The following DPP10 variants were observed in gnomAD, a reference collection of about 807,000 sequenced individuals.
DPP10 encodes dipeptidyl peptidase like 10.
In DPP10, 33 loss-of-function variants were observed where a neutral mutation model predicts 120.9. The observed-to-expected ratio is 0.27, with a 90% confidence interval of 0.21 to 0.37. The LOEUF is 0.37. Ranked by LOEUF, DPP10 falls within the 10% of genes least tolerant of loss-of-function variation. The pLI is 1.00. For synonymous variants in DPP10, 337 were observed against 326.1 expected, an observed-to-expected ratio of 1.03 and a Z score of -0.36; for missense variants, 816 against 942.8, an observed-to-expected ratio of 0.87 and a Z score of 1.76.
chr2:114,798,210 G>A (rs1683881339), intron 1 of DPP10, among the ~76,000 whole-genome samples: 1 of 152,052 alleles, frequency 6.6e-6, no homozygotes. Context: ...GGGGTGGGGT[G>A]GGGAGCATTC....
chr2:115,562,175 G>A (rs936474633), intron 5 of DPP10, among the ~76,000 whole-genome samples: 2 of 152,182 alleles, frequency 1.3e-5, no homozygotes, highest in African/African-American at 2.4e-5. Context: ...TCATCGGGCT[G>A]TACAAATCCT....
At chr2:115,055,379 G>C (rs116815136) in intron 1 of DPP10, among the ~76,000 whole-genome samples, 4,588 of 152,026 alleles carry the variant, frequency 0.03, 90 homozygotes, top group Non-Finnish European at 0.049. Context: ...ATGTTTTGTT[G>C]TTTTGAATCT....
intron 1 of DPP10, among the ~76,000 whole-genome samples, chr2:115,105,125 G>A (rs1303250792): frequency 2.0e-5 from 3 of 152,056 alleles, no homozygotes; most frequent in South Asian, 2.1e-4. Context: ...ATACTTTACC[G>A]TTTGTCTTTA....
intron 3 of DPP10, among the ~76,000 whole-genome samples, chr2:115,418,839 A>G (rs889538194): frequency 1.3e-5 from 2 of 152,164 alleles, no homozygotes; most frequent in African/African-American, 4.8e-5. Flanking sequence ...ATTAAAAAAT[A>G]AAGAATAAAA....
At chr2:115,683,308 TA>T (rs1263259385) in intron 5 of DPP10, among the ~76,000 whole-genome samples, 2 of 151,852 alleles carry the variant, frequency 1.3e-5, no homozygotes, top group Non-Finnish European at 2.9e-5. Flanking sequence ...GTGGAGACAG[TA>T]AAAAAATTTA....
intron 5 of DPP10, among the ~76,000 whole-genome samples, chr2:115,659,818 G>A (rs2088756312): frequency 1.3e-5 from 2 of 152,088 alleles, no homozygotes; most frequent in African/African-American, 4.8e-5. Flanking sequence ...TAAGCCCCAG[G>A]CAAGTTTCTT....
At chr2:115,118,791 G>GTGTGTA (rs1373091742) in intron 1 of DPP10, among the ~76,000 whole-genome samples, 2 of 133,516 alleles carry the variant, frequency 1.5e-5, no homozygotes, top group African/African-American at 5.8e-5. Flanking sequence ...GTGTGTGTGT[G>GTGTGTA]TTTAGTAGAG....
At chr2:115,275,440 G>A (rs964781854) in intron 1 of DPP10, among the ~76,000 whole-genome samples, 1 of 151,998 alleles carries the variant, frequency 6.6e-6, no homozygotes, top group Non-Finnish European at 1.5e-5. Flanking sequence ...TCATATGCAC[G>A]TTGCAAAAAT....
chr2:115,188,495 A>G (rs1169248029), intron 1 of DPP10, among the ~76,000 whole-genome samples: 3 of 152,228 alleles, frequency 2.0e-5, no homozygotes, highest in Admixed American at 2.0e-4. Context: ...AGATATTTTA[A>G]GAAATCAGGC....
rs1365270187 is a variant in DPP10 at position 114,834,787 on chromosome 2, G to A, written c.60+391949G>A. Reference sequence around the variant, plus strand: ...ACGCACCTATGTATATATAAGCCATGTCTACACACCTATGTATATATAAGC... The same window carrying A: ...ACGCACCTATGTATATATAAGCCATATCTACACACCTATGTATATATAAGC... On this transcript the variant is annotated intron_variant, in intron 1 of 25. Coordinates refer to ENST00000410059, the MANE Select transcript of DPP10 (RefSeq NM_020868.6). Among the ~76,000 whole-genome samples, 34 of 123,938 alleles carry A rather than the reference G, an allele frequency of 2.7e-4. 2 individuals carry two copies. Among genetic ancestry groups the A allele is most frequent in the African/African-American group, 5.3e-4 (17 of 31,844 alleles). The allele number at this position is 123,938 out of a possible 152,430, so 81.3% of individuals were successfully genotyped here. A position where few individuals can be genotyped will look rare whatever the true frequency, so the allele number is the denominator to read the frequency against.
At chr2:115,183,613 G>A (rs1412246878) in intron 1 of DPP10, among the ~76,000 whole-genome samples, 2 of 152,168 alleles carry the variant, frequency 1.3e-5, no homozygotes, top group Non-Finnish European at 2.9e-5. Flanking sequence ...GGGTTCCATG[G>A]CAATCTTTAT....
At chr2:114,533,910 T>A (rs929472230) in intron 1 of DPP10, among the ~76,000 whole-genome samples, 2 of 152,190 alleles carry the variant, frequency 1.3e-5, no homozygotes, top group Non-Finnish European at 2.9e-5. Context: ...CCTTTACATC[T>A]AAAAACTCTT....
intron 1 of DPP10, among the ~76,000 whole-genome samples, chr2:114,635,381 G>A (rs1252231203): frequency 1.3e-5 from 2 of 151,806 alleles, no homozygotes; most frequent in Non-Finnish European, 2.9e-5. Flanking sequence ...AAATGGATGT[G>A]CTTATTAGAT....
intron 1 of DPP10, among the ~76,000 whole-genome samples, chr2:115,165,153 G>A (rs2052740147): frequency 6.6e-6 from 1 of 152,178 alleles, no homozygotes; most frequent in Admixed American, 6.5e-5. Flanking sequence ...CTTCCTGAAT[G>A]CTTGCCACAG....
chr2:115,065,578 G>T (rs924576928), intron 1 of DPP10: 3 of 151,802 alleles, frequency 2.0e-5, no homozygotes, highest in African/African-American at 7.3e-5. Context: ...TTGGTTGATG[G>T]CACTCTTCAT....
intron 5 of DPP10, among the ~76,000 whole-genome samples, chr2:115,647,708 A>C (rs1272287097): frequency 6.6e-6 from 1 of 152,096 alleles, no homozygotes; most frequent in African/African-American, 2.4e-5. Context: ...CTGTCATGTG[A>C]TCTGATGAGG....
chr2:114,676,613 G>A (rs1321623996), intron 1 of DPP10, among the ~76,000 whole-genome samples: 3 of 152,160 alleles, frequency 2.0e-5, no homozygotes, highest in South Asian at 2.1e-4. Context: ...TGGGGAGATC[G>A]CTGTATGTCA....
intron 1 of DPP10, among the ~76,000 whole-genome samples, chr2:114,753,908 C>CAAA (rs777798352): frequency 5.9e-4 from 20 of 33,730 alleles, no homozygotes; most frequent in African/African-American, 8.9e-4. Context: ...GACTCCTTCT[C>CAAA]AAAAAAAAAA....
At chr2:115,662,432 TTA>T (rs1253642205) in intron 5 of DPP10, among the ~76,000 whole-genome samples, 2 of 118,662 alleles carry the variant, frequency 1.7e-5, no homozygotes, top group South Asian at 2.6e-4. Flanking sequence ...TTTTTGTTTT[TTA>T]TTTTTTTTTT....
Sources: allele counts gnomAD v4.1 joint callset (sites outside exome capture counted in the v4.1 genomes callset), GRCh38; gene constraint gnomAD v4.1.1; transcripts MANE v1.5; gene names NCBI Gene and HGNC (gene_info 2026-07-23, HGNC 2026-07-21).